CTIF: variants seen among roughly 807,000 people sequenced by gnomAD.
CTIF encodes the protein CBP80/20-dependent translation initiation factor.
Under a neutral mutation model 66.0 loss-of-function variants are expected in CTIF, and 21 were observed. That is an observed-to-expected ratio of 0.32 (90% CI 0.23 to 0.46). CTIF has a LOEUF of 0.46. Among genes scored for constraint, CTIF ranks in the 20% least tolerant of loss-of-function variants. CTIF has a pLI of 1.00. For missense variants in CTIF, 739 were observed against 812.7 expected (o/e 0.91, Z 1.10); for synonymous variants, 345 against 326.4 (o/e 1.06, Z -0.62).
At chr18:48,802,781 C>T (rs2068073129) in intron 9 of CTIF, among the ~76,000 whole-genome samples, 1 of 152,354 alleles carries the variant, frequency 6.6e-6, no homozygotes, top group Admixed American at 6.5e-5. Flanking sequence ...CCCCCTCACG[C>T]CCCTTGACCT....
At chr18:48,798,167 C>T (rs901820070) in intron 9 of CTIF, among the ~76,000 whole-genome samples, 3 of 152,114 alleles carry the variant, frequency 2.0e-5, no homozygotes, top group Non-Finnish European at 1.5e-5. Flanking sequence ...GGGACACTGG[C>T]GTGGGAGGTA....
rs535098916 is a variant in CTIF, at chr18:48,828,803, C to T, written c.1527+11427C>T. On this transcript the variant is annotated intron_variant, in intron 10 of 11. Transcript: ENST00000256413. ...TTCCCTGCAGAGGGCACAAGCCTGG[C>T]GAGTGGGGGCAGTGAGGGCAGTAGG... Among the ~76,000 whole-genome samples, 633 of 152,296 alleles carry T rather than the reference C, an allele frequency of 4.2e-3. 4 individuals are homozygous for T. Among genetic ancestry groups the T allele is most frequent in the African/African-American group, 0.015 (609 of 41,548 alleles).
At chr18:48,581,579 T>G (rs994576932) in intron 1 of CTIF, among the ~76,000 whole-genome samples, 5 of 151,966 alleles carry the variant, frequency 3.3e-5, no homozygotes, top group Non-Finnish European at 7.4e-5. Context: ...GGGAAGCGAG[T>G]GCTTTCTCTG....
At chr18:48,648,628 T>C (rs1420772456) in intron 3 of CTIF, among the ~76,000 whole-genome samples, 4 of 152,134 alleles carry the variant, frequency 2.6e-5, no homozygotes, top group Non-Finnish European at 5.9e-5. Flanking sequence ...AAGTCTGCTT[T>C]AGTTTGGGCC....
At chr18:48,692,708 AGTAGC>A (rs1405663630) in intron 6 of CTIF, 1 of 152,216 alleles carries the variant, frequency 6.6e-6, no homozygotes, top group African/African-American at 2.4e-5. Context: ...CCACACTTTG[AGTAGC>A]GGAACCCTAC....
At chr18:48,785,465 C>G (rs987678716) in intron 9 of CTIF, among the ~76,000 whole-genome samples, 2 of 152,226 alleles carry the variant, frequency 1.3e-5, no homozygotes, top group African/African-American at 2.4e-5. Context: ...CATTTCCACC[C>G]CTGCAGTCAG....
chr18:48,658,581 T>A (rs2091285167), intron 3 of CTIF, among the ~76,000 whole-genome samples: 2 of 152,096 alleles, frequency 1.3e-5, no homozygotes, highest in Admixed American at 1.3e-4. Flanking sequence ...GATGTGTGTA[T>A]GCATACCATG....
chr18:48,563,987 T>G (rs532158444), intron 1 of CTIF, among the ~76,000 whole-genome samples: 32 of 152,302 alleles, frequency 2.1e-4, no homozygotes, highest in African/African-American at 7.2e-4. Context: ...GAATCTCAGT[T>G]TCATCTCTGC....
intron 9 of CTIF, among the ~76,000 whole-genome samples, chr18:48,801,243 C>A (rs2068043124): frequency 6.6e-6 from 1 of 152,198 alleles, no homozygotes; most frequent in Non-Finnish European, 1.5e-5. Context: ...GCAGAAATGG[C>A]AGGCACAACA....
intron 1 of CTIF, among the ~76,000 whole-genome samples, chr18:48,556,973 G>A (rs2089036337): frequency 6.6e-6 from 1 of 152,188 alleles, no homozygotes; most frequent in African/African-American, 2.4e-5. Flanking sequence ...GTTAGAATGA[G>A]AACTAATATA....
intron 7 of CTIF, among the ~76,000 whole-genome samples, chr18:48,713,337 T>C (rs1458979921): frequency 1.3e-5 from 2 of 152,126 alleles, no homozygotes; most frequent in Non-Finnish European, 2.9e-5. Context: ...CCCACCTCTC[T>C]GCGCCCAGGC....
chr18:48,556,307 A>G (rs1427953177), intron 1 of CTIF, among the ~76,000 whole-genome samples: 1 of 152,186 alleles, frequency 6.6e-6, no homozygotes, highest in African/African-American at 2.4e-5. Context: ...AGCTTCCAGG[A>G]TTCCAGGCTT....
At chr18:48,607,551 G>T (rs1188774143) in intron 1 of CTIF, among the ~76,000 whole-genome samples, 1 of 152,194 alleles carries the variant, frequency 6.6e-6, no homozygotes, top group Non-Finnish European at 1.5e-5. Flanking sequence ...GTCAAAAAGA[G>T]GAACTGAATG....
intron 3 of CTIF, among the ~76,000 whole-genome samples, chr18:48,650,855 A>G (rs1268337700): frequency 6.8e-6 from 1 of 146,752 alleles, no homozygotes; most frequent in Non-Finnish European, 1.5e-5. Context: ...CAAAAAAAAA[A>G]GAGAATTTTC....
chr18:48,677,324 G>A (rs975848820), intron 6 of CTIF, among the ~76,000 whole-genome samples: 2 of 152,180 alleles, frequency 1.3e-5, no homozygotes, highest in Non-Finnish European at 2.9e-5. Flanking sequence ...CAACATTACG[G>A]ATCAGGCATC....
intron 6 of CTIF, among the ~76,000 whole-genome samples, chr18:48,676,015 A>AC (rs1327048129): frequency 7.3e-5 from 11 of 151,698 alleles, no homozygotes; most frequent in Non-Finnish European, 1.3e-4. Context: ...GTCTGAGACC[A>AC]CCCCCCGGCA....
intron 1 of CTIF, among the ~76,000 whole-genome samples, chr18:48,563,888 G>A (rs1438158019): frequency 1.3e-5 from 2 of 152,170 alleles, no homozygotes; most frequent in African/African-American, 2.4e-5. Context: ...CTTCCCTCTT[G>A]CTTGTGGTCT....
At chr18:48,760,708 G>A (rs1359293168) in intron 8 of CTIF, 1 of 152,228 alleles carries the variant, frequency 6.6e-6, no homozygotes, top group Non-Finnish European at 1.5e-5. Flanking sequence ...CCTAGTTGCA[G>A]TGAAATCTCA....
intron 6 of CTIF, among the ~76,000 whole-genome samples, chr18:48,704,247 G>C (rs1166440209): frequency 6.6e-6 from 1 of 152,154 alleles, no homozygotes; most frequent in Non-Finnish European, 1.5e-5. Flanking sequence ...CAGGCTTCCT[G>C]CTAACTGGTT....
Sources: gnomAD v4.1 joint callset for allele counts (sites outside exome capture counted in the v4.1 genomes callset) on GRCh38, gnomAD v4.1.1 for gene constraint, MANE v1.5 for transcripts, NCBI Gene and HGNC (gene_info 2026-07-23, HGNC 2026-07-21) for gene names.